KCNH5: variants seen among roughly 807,000 people sequenced by gnomAD.
KCNH5 encodes the protein potassium voltage-gated channel subfamily H member 5.
Under a neutral mutation model 96.1 loss-of-function variants are expected in KCNH5, and 46 were observed. That is an observed-to-expected ratio of 0.48 (90% CI 0.38 to 0.61). KCNH5 has a LOEUF of 0.61. Ranked by LOEUF, KCNH5 falls within the 20% of genes least tolerant of loss-of-function variation. The pLI, the probability that KCNH5 is intolerant of heterozygous loss-of-function variation, is 0.00. For synonymous variants in KCNH5, 439 were observed against 449.8 expected (o/e 0.98, Z 0.30); for missense variants, 907 against 1,225.8 (o/e 0.74, Z 3.88).
intron 10 of KCNH5, among the ~76,000 whole-genome samples, chr14:62,718,344 G>T (rs1422856429): frequency 6.6e-6 from 1 of 151,652 alleles, no homozygotes; most frequent in East Asian, 1.9e-4. Flanking sequence ...AATATATAAA[G>T]AGCTATTATA....
chr14:62,901,139 C>G (rs998451670), intron 7 of KCNH5, among the ~76,000 whole-genome samples: 1 of 152,144 alleles, frequency 6.6e-6, no homozygotes, highest in East Asian at 1.9e-4. Flanking sequence ...CAAGCATGAG[C>G]CACTGTGTCC....
At chr14:62,938,221 A>T (rs1889722033) in intron 7 of KCNH5, among the ~76,000 whole-genome samples, 1 of 152,210 alleles carries the variant, frequency 6.6e-6, no homozygotes, top group East Asian at 1.9e-4. Flanking sequence ...GGGTAGCTAC[A>T]GAGCCAGCTT....
intron 10 of KCNH5, among the ~76,000 whole-genome samples, chr14:62,772,636 G>GA (rs3045398): frequency 8.3e-5 from 7 of 84,678 alleles, no homozygotes; most frequent in Admixed American, 2.8e-4. Flanking sequence ...GACTTTGTCT[G>GA]AAAAAAAAAA....
chr14:62,811,447 C>T (rs1173886717), intron 8 of KCNH5, among the ~76,000 whole-genome samples: 1 of 152,150 alleles, frequency 6.6e-6, no homozygotes, highest in Admixed American at 6.6e-5. Context: ...TTCACACATG[C>T]TTTTCCTTTT....
chr14:62,869,871 T>C (rs1047671449), intron 7 of KCNH5, among the ~76,000 whole-genome samples: 4 of 152,162 alleles, frequency 2.6e-5, no homozygotes, highest in Admixed American at 2.0e-4. Context: ...TAATCAATGG[T>C]GTTGGGAAAA....
intron 8 of KCNH5, among the ~76,000 whole-genome samples, chr14:62,830,289 C>T (rs999165562): frequency 2.6e-5 from 4 of 152,184 alleles, no homozygotes; most frequent in Non-Finnish European, 5.9e-5. Context: ...CCAACCTCTG[C>T]CCATTACCCA....
chr14:62,883,555 CA>C (rs1888534980), intron 7 of KCNH5, among the ~76,000 whole-genome samples: 1 of 151,838 alleles, frequency 6.6e-6, no homozygotes, highest in South Asian at 2.1e-4. Context: ...ATGGCATATA[CA>C]GAAAGAAAAA....
chr14:62,881,872 A>G (rs566728314), intron 7 of KCNH5, among the ~76,000 whole-genome samples: 51 of 152,266 alleles, frequency 3.3e-4, no homozygotes, highest in African/African-American at 1.2e-3. Flanking sequence ...GAAAAGATTA[A>G]TAGACTGTCT....
intron 10 of KCNH5, among the ~76,000 whole-genome samples, chr14:62,724,273 G>A (rs538030262): frequency 6.6e-5 from 10 of 152,196 alleles, no homozygotes; most frequent in African/African-American, 1.4e-4. Flanking sequence ...GATGATTGGC[G>A]TTCCAGTACT....
chr14:62,788,274 G>A (rs1031278132), intron 9 of KCNH5, among the ~76,000 whole-genome samples: 2 of 152,168 alleles, frequency 1.3e-5, no homozygotes, highest in African/African-American at 2.4e-5. Flanking sequence ...AACTGCAGAT[G>A]TAGAAACGGC....
At chr14:62,936,198 C>T (rs762622307) in intron 7 of KCNH5, among the ~76,000 whole-genome samples, 3 of 152,128 alleles carry the variant, frequency 2.0e-5, no homozygotes, top group Non-Finnish European at 4.4e-5. Flanking sequence ...GAAGTGAAGA[C>T]ACATGCTTTA....
At chr14:63,032,384 C>T (rs987872351) in intron 1 of KCNH5, among the ~76,000 whole-genome samples, 14 of 152,154 alleles carry the variant, frequency 9.2e-5, no homozygotes, top group Non-Finnish European at 1.9e-4. Context: ...AGAATCAGTG[C>T]AGGCAGTCGC....
intron 9 of KCNH5, among the ~76,000 whole-genome samples, chr14:62,795,235 C>T (rs1392774449): frequency 6.6e-6 from 1 of 152,078 alleles, no homozygotes; most frequent in East Asian, 1.9e-4. Context: ...GTCAACAGAA[C>T]ACAACATATT....
intron 2 of KCNH5, among the ~76,000 whole-genome samples, chr14:63,014,100 T>G (rs909855588): frequency 2.6e-5 from 4 of 152,162 alleles, no homozygotes; most frequent in African/African-American, 9.6e-5. Flanking sequence ...TGCAAGTAAG[T>G]AATAATTGTT....
chr14:63,016,958 A>T lies in KCNH5; in HGVS notation c.74-4T>A, dbSNP rs1254624152. ...TTTCCCAGTAAGAAACTTGATTCTG[A>T]AGAAGAAAGGAGAAAAAAGGAGGTT... On this transcript the variant is annotated splice_polypyrimidine_tract_variant and splice_region_variant and intron_variant, in intron 1 of 10. Coordinates refer to ENST00000322893, the MANE Select transcript of KCNH5 (RefSeq NM_139318.5). 1 of 1,599,432 alleles carries T rather than the reference A, an allele frequency of 6.3e-7. No homozygotes were observed. Among genetic ancestry groups the T allele is most frequent in the African/African-American group, 1.3e-5 (1 of 74,210 alleles).
At chr14:62,753,127 C>T (rs1365719591) in intron 10 of KCNH5, among the ~76,000 whole-genome samples, 1 of 152,056 alleles carries the variant, frequency 6.6e-6, no homozygotes, top group Admixed American at 6.6e-5. Context: ...ATTCAGAATT[C>T]TATCAGATAA....
chr14:62,745,895 T>C (rs1885365587), intron 10 of KCNH5, among the ~76,000 whole-genome samples: 1 of 152,156 alleles, frequency 6.6e-6, no homozygotes, highest in African/African-American at 2.4e-5. Context: ...TTCGATTGGT[T>C]CCTGTGACAT....
chr14:62,805,313 C>T (rs903368231), intron 8 of KCNH5, among the ~76,000 whole-genome samples: 2 of 152,134 alleles, frequency 1.3e-5, no homozygotes, highest in Non-Finnish European at 2.9e-5. Flanking sequence ...GATTTTATTA[C>T]ATTATGAGTA....
At chr14:62,960,968 T>A (rs1890194915) in intron 6 of KCNH5, among the ~76,000 whole-genome samples, 1 of 152,226 alleles carries the variant, frequency 6.6e-6, no homozygotes. Flanking sequence ...ATATCCATAA[T>A]GTAGTAACTT....
Sources: allele counts gnomAD v4.1 joint callset (sites outside exome capture counted in the v4.1 genomes callset), GRCh38; gene constraint gnomAD v4.1.1; transcripts MANE v1.5; gene names NCBI Gene and HGNC (gene_info 2026-07-23, HGNC 2026-07-21).